The following ITGA4 variants were observed in gnomAD, a reference collection of about 807,000 sequenced individuals.
The protein encoded by ITGA4 is integrin subunit alpha 4.
A neutral mutation model predicts 133.6 loss-of-function variants in ITGA4; 63 were observed. The ratio of observed to expected loss-of-function variants is 0.47; its 90% CI spans 0.38 to 0.58. The LOEUF (loss-of-function observed/expected upper bound fraction) is 0.58. Ranked by LOEUF, ITGA4 falls within the 20% of genes least tolerant of loss-of-function variation. The pLI is 0.00. For missense variants in ITGA4, 1,076 were observed against 1,252.7 expected, an observed-to-expected ratio of 0.86 and a Z score of 2.13; for synonymous variants, 483 against 438.0, an observed-to-expected ratio of 1.10 and a Z score of -1.28.
chr2:181,538,282 T>G lies in ITGA4; in HGVS notation c.*2755T>G. 2 of 1,321,562 alleles carry G rather than the reference T, an allele frequency of 1.5e-6. No individual in the cohort carries two copies. The highest frequency in any genetic ancestry group is 2.4e-5 in the South Asian group (2 of 84,214). 81.9% of individuals were successfully genotyped at this position (1,321,562 alleles called of 1,614,324 possible). ...TACATTATTTCATCAACTTATTTTG[T>G]TGTTTTTCACATACACCTAATAAGT... is the stretch of plus-strand genomic sequence containing the variant. On this transcript the variant is annotated 3_prime_UTR_variant, in exon 28 of 28. Coordinates refer to ENST00000397033, the MANE Select transcript of ITGA4 (RefSeq NM_000885.6).
In ITGA4 at chr2:181,495,699, T is replaced by C; in HGVS notation, c.1386-84T>C. 8.2e-7 allele frequency: 1 copy of C among 1,216,878 alleles called. No homozygotes were observed. The highest frequency in any genetic ancestry group is 1.2e-6 in the Non-Finnish European group (1 of 852,330). The allele number at this position is 1,216,878 out of a possible 1,614,324, so 75.4% of individuals were successfully genotyped here. A position where few individuals can be genotyped will look rare whatever the true frequency, so the allele number is the denominator to read the frequency against. ...AAGACTCATGAAATTACTTGGTGAA[T>C]GTAAACTGAAAAAACAAACGCATTT... On this transcript the variant is annotated intron_variant, in intron 13 of 27. Coordinates refer to ENST00000397033, the MANE Select transcript of ITGA4 (RefSeq NM_000885.6). The surrounding 1 kb of genome is among the most constrained non-coding windows in gnomAD (Gnocchi z 4.3).
At chr2:181,525,372 A>T (rs1386057013) in intron 21 of ITGA4, 81 bp downstream of exon 21, 1 of 708,796 alleles carries the variant, frequency 1.4e-6, no homozygotes, top group African/African-American at 1.8e-5. Context: ...AAAAAACTGT[A>T]TTCTAGAATT....
At chr2:181,477,756 A>G (rs1276431850) in intron 4 of ITGA4, among the ~76,000 whole-genome samples, 1 of 152,180 alleles carries the variant, frequency 6.6e-6, no homozygotes, top group Non-Finnish European at 1.5e-5. Context: ...TGGAATGTAA[A>G]TTGGTACAGC....
chr2:181,499,680 G>T (rs1033899063), intron 15 of ITGA4, among the ~76,000 whole-genome samples: 1 of 152,008 alleles, frequency 6.6e-6, no homozygotes, highest in Non-Finnish European at 1.5e-5. Context: ...AGTTTTTATT[G>T]TTGTACTAGA....
At position 181,529,656 on chromosome 2, in the gene ITGA4, T is replaced by C. The variant is rs764285325; in HGVS notation, c.2538+8T>C. ...AACATTTTGGATGTCCAGGTAAAAA[T>C]GTATTTCTTCCATCTAACCTTTATT... On this transcript the variant is annotated splice_region_variant and intron_variant, in intron 23 of 27. Transcript: ENST00000397033. The C allele has an allele frequency of 7.8e-6, 11 of 1,406,690 alleles. No homozygotes were observed. Among genetic ancestry groups the C allele is most frequent in the Non-Finnish European group, 1.0e-5 (10 of 993,388 alleles). The allele number at this position is 1,406,690 out of a possible 1,614,324, so 87.1% of individuals were successfully genotyped here. A position where few individuals can be genotyped will look rare whatever the true frequency, so the allele number is the denominator to read the frequency against.
chr2:181,480,183 C>A lies in ITGA4; in HGVS notation c.671C>A (p.Ser224Tyr). ...GAPGSSYWTG[S>Y]LFVYNITTNK... ...CCAGGATCATCTTACTGGACTGGCT[C>A]TCTTTTTGTCTACAATATAACTACA... The change falls in exon 6 of 28, where the codon TCT becomes TAT. Residue 224 changes from serine to tyrosine, a missense_variant. This residue lies in a region of ITGA4 where 436 missense variants were observed against 590.7 expected (regional missense o/e 0.74). Transcript: ENST00000397033. 1 of 1,559,552 alleles carries A rather than the reference C, an allele frequency of 6.4e-7. No individual in the cohort carries two copies. Among genetic ancestry groups the A allele is most frequent in the East Asian group, 2.3e-5 (1 of 43,814 alleles).
intron 9 of ITGA4, among the ~76,000 whole-genome samples, chr2:181,483,787 A>G (rs1685855256): frequency 6.6e-6 from 1 of 152,188 alleles, no homozygotes; most frequent in Non-Finnish European, 1.5e-5. Context: ...TGTACTTGCT[A>G]CATCCTCGTG....
Position 181,482,412 on chromosome 2 carries a change from A to G in ITGA4, c.893A>G (p.Lys298Arg), listed in dbSNP as rs749129225. The G allele has an allele frequency of 5.0e-6, 8 of 1,613,110 alleles. No homozygotes were observed. The highest frequency in any genetic ancestry group is 3.3e-5 in the Admixed American group (2 of 59,890). ...EKELNILHEM[K>R]GKKLGSYFGA... ...GAACTAAATATCTTACATGAAATGA[A>G]AGGTAAAAAGGTAATATGTCTCTAC... The change falls in exon 8 of 28, where the codon AAA becomes AGA. Residue 298 changes from lysine to arginine, a missense_variant. Physicochemically the swap from Lys to Arg is conservative, Grantham distance 26. Coordinates refer to ENST00000397033, the MANE Select transcript of ITGA4 (RefSeq NM_000885.6).
At chr2:181,494,862 A>G (rs1430159972) in intron 12 of ITGA4, 50 bp downstream of exon 12, 5 of 941,766 alleles carry the variant, frequency 5.3e-6, no homozygotes, top group Non-Finnish European at 8.8e-6. Flanking sequence ...GCTCTATCAT[A>G]GATACTGCTT....
intron 2 of ITGA4, among the ~76,000 whole-genome samples, chr2:181,462,360 A>G (rs1183788238): frequency 6.6e-6 from 1 of 152,168 alleles, no homozygotes; most frequent in East Asian, 1.9e-4. Context: ...CTCCTGGTTC[A>G]TATTATATAA....
At chr2:181,475,481 A>G (rs1039112224) in intron 4 of ITGA4, among the ~76,000 whole-genome samples, 193 bp downstream of exon 4, 2 of 152,208 alleles carry the variant, frequency 1.3e-5, no homozygotes, top group African/African-American at 4.8e-5. Context: ...ACTTTGTGCT[A>G]TAAAAATTCT....
rs1006778193 is a variant in ITGA4, at chr2:181,536,422, C to CTAATAACTTTAAAAT, written c.*896_*910dup. The stretch of plus-strand genomic sequence containing the variant: ...TAGAAAATACAGAAACCATACCTCA[C>CTAATAACTTTAAAAT]TAATAACTTTAAAATCAAAGCTGTG... On this transcript the variant is annotated 3_prime_UTR_variant, in exon 28 of 28. Transcript: ENST00000397033. Among the ~76,000 whole-genome samples, 28 of 152,002 alleles carry CTAATAACTTTAAAAT rather than the reference C, an allele frequency of 1.8e-4. No individual in the cohort carries two copies. The highest frequency in any genetic ancestry group is 3.2e-4 in the Non-Finnish European group (22 of 67,976).
chr2:181,493,416 A>G lies in ITGA4; in HGVS notation c.1245A>G (p.Ser415=). Reference sequence around the variant, plus strand: ...CAGATGGGATCTCGTCAACCTTCTCACAGGTAAGGTACTATTCTATTTCCA... The same window carrying G: ...CAGATGGGATCTCGTCAACCTTCTCGCAGGTAAGGTACTATTCTATTTCCA... The part of the protein sequence containing the change: ...GRADGISSTF[S]QRIEGLQISK... Residue 415 remains serine (S), a synonymous_variant, in exon 11 of 28, where the codon TCA becomes TCG. Coordinates refer to ENST00000397033, the MANE Select transcript of ITGA4 (RefSeq NM_000885.6). The G allele has an allele frequency of 3.8e-6, 6 of 1,586,866 alleles. No homozygotes were observed. Among genetic ancestry groups the G allele is most frequent in the Non-Finnish European group, 5.2e-6 (6 of 1,155,898 alleles).
chr2:181,515,281 G>C (rs1011710409), intron 17 of ITGA4, among the ~76,000 whole-genome samples: 1 of 152,006 alleles, frequency 6.6e-6, no homozygotes, highest in Admixed American at 6.6e-5. Flanking sequence ...TTTCCTCATT[G>C]CTAAGTGGGT....
Position 181,457,568 on chromosome 2 carries a change from G to A in ITGA4, c.-87G>A. The A allele has an allele frequency of 8.2e-6, 10 of 1,216,350 alleles. No individual in the cohort carries two copies. The highest frequency in any genetic ancestry group is 1.2e-5 in the Non-Finnish European group (10 of 864,908). 75.3% of individuals were successfully genotyped at this position (1,216,350 alleles called of 1,614,324 possible). A position where few individuals can be genotyped will look rare whatever the true frequency, so the allele number is the denominator to read the frequency against. On this transcript the variant is annotated 5_prime_UTR_variant, in exon 1 of 28. Transcript: ENST00000397033. ...GACACGCTGCGCCTCATCTCTTGGG[G>A]CGTTCTTCCCCGTTGGCCAACCGTC...
At chr2:181,496,742 G>A (rs1384624178) in intron 14 of ITGA4, among the ~76,000 whole-genome samples, 1 of 152,146 alleles carries the variant, frequency 6.6e-6, no homozygotes, top group African/African-American at 2.4e-5. Context: ...AGTGAAATGA[G>A]CCTGTGGTAG....
chr2:181,502,033 G>A (rs774285675), intron 15 of ITGA4, among the ~76,000 whole-genome samples: 5 of 151,890 alleles, frequency 3.3e-5, no homozygotes, highest in Admixed American at 6.6e-5. Flanking sequence ...CCACAGAGGA[G>A]ATAAGAAGGT....
chr2:181,488,770 G>A (rs1685979012), intron 10 of ITGA4, among the ~76,000 whole-genome samples: 1 of 152,076 alleles, frequency 6.6e-6, no homozygotes, highest in Admixed American at 6.5e-5. Flanking sequence ...GTGTTAACCA[G>A]GATGGTCTCT....
At chr2:181,534,769 G>GTT in intron 26 of ITGA4, 47 bp from the exon 27 acceptor site, 1 of 1,067,650 alleles carries the variant, frequency 9.4e-7, no homozygotes, top group Non-Finnish European at 1.3e-6. Context: ...GTTTTAAACT[G>GTT]ATTTTTTTTT....
Sources: gnomAD v4.1 joint callset for allele counts (sites outside exome capture counted in the v4.1 genomes callset) on GRCh38, gnomAD v4.1.1 for gene constraint, gnomAD v4.1.1 regional missense constraint, Gnocchi (gnomAD v3.1) non-coding constraint, MANE v1.5 for transcripts, NCBI Gene and HGNC (gene_info 2026-07-23, HGNC 2026-07-21) for gene names.